DIP2C: variants seen among roughly 807,000 people sequenced by gnomAD.
The protein encoded by DIP2C is DIP2 acetate--CoA ligase C (putative).
In DIP2C, 33 loss-of-function variants were observed where a neutral mutation model predicts 192.4. The observed-to-expected ratio is 0.17, with a 90% CI of 0.13 to 0.23. The LOEUF is 0.23. DIP2C is among the 10% of genes least tolerant of loss of function. DIP2C has a pLI of 1.00. For synonymous variants in DIP2C, 979 were observed against 864.1 expected (o/e 1.13, Z -2.33); for missense variants, 1,537 against 2,110.1 (o/e 0.73, Z 5.32).
At chr10:405,331 T>C (rs990350056) in intron 9 of DIP2C, among the ~76,000 whole-genome samples, 2 of 152,246 alleles carry the variant, frequency 1.3e-5, no homozygotes, top group African/African-American at 4.8e-5. Context: ...CTAGAGTTAA[T>C]GCTGAAAATT....
chr10:550,774 A>G (rs11253144), intron 1 of DIP2C, among the ~76,000 whole-genome samples: 13,167 of 152,246 alleles, frequency 0.086, 699 homozygotes, highest in East Asian at 0.18. Context: ...CCAGAGTTGC[A>G]ATAAACAAGC....
chr10:511,401 A>C (rs1846003044), intron 1 of DIP2C, among the ~76,000 whole-genome samples: 1 of 152,250 alleles, frequency 6.6e-6, no homozygotes, highest in South Asian at 2.1e-4. Flanking sequence ...GTTACCAGGC[A>C]ACCTTAATAT....
At chr10:580,485 C>T (rs977403581) in intron 1 of DIP2C, among the ~76,000 whole-genome samples, 5 of 152,070 alleles carry the variant, frequency 3.3e-5, no homozygotes, top group Admixed American at 6.6e-5. Flanking sequence ...GATACATGTC[C>T]AAATAGTGTG....
intron 32 of DIP2C, among the ~76,000 whole-genome samples, chr10:300,561 C>A (rs1955980046): frequency 6.6e-6 from 1 of 152,062 alleles, no homozygotes; most frequent in African/African-American, 2.4e-5. Context: ...CAGGAGCAGC[C>A]CTGCGTGTGT....
chr10:577,881 G>A (rs943156742), intron 1 of DIP2C, among the ~76,000 whole-genome samples: 8 of 151,802 alleles, frequency 5.3e-5, no homozygotes, highest in Non-Finnish European at 1.0e-4. Flanking sequence ...GGAAAGTTGG[G>A]AGCAATTTCT....
At chr10:500,638 C>T (rs1171050541) in intron 1 of DIP2C, among the ~76,000 whole-genome samples, 1 of 152,158 alleles carries the variant, frequency 6.6e-6, no homozygotes, top group African/African-American at 2.4e-5. Flanking sequence ...CACAATATCA[C>T]CAAATGTTCG....
intron 32 of DIP2C, among the ~76,000 whole-genome samples, chr10:304,495 G>A (rs1393033399): frequency 1.3e-5 from 2 of 152,162 alleles, no homozygotes; most frequent in Non-Finnish European, 2.9e-5. Context: ...ACCAGCTGGA[G>A]AACTCTGGCC....
At chr10:542,857 T>G (rs1250412544) in intron 1 of DIP2C, among the ~76,000 whole-genome samples, 1 of 151,670 alleles carries the variant, frequency 6.6e-6, no homozygotes, top group Non-Finnish European at 1.5e-5. Flanking sequence ...ATACCACAGA[T>G]CATCAGATCC....
Position 636,515 on chromosome 10 carries a change from C to T in DIP2C, c.85+52979G>A, listed in dbSNP as rs928135609. ...CCACCTCGCCGAGTCCTCACGCACG[C>T]GTTCCCTAAGAATAAAGGACCCTCT... On this transcript the variant is annotated intron_variant, in intron 1 of 36. Coordinates refer to ENST00000280886, the MANE Select transcript of DIP2C (RefSeq NM_014974.3). This position sits in a 1 kb window ranked among gnomAD's most constrained non-coding sequence, Gnocchi z 4.6. Among the ~76,000 whole-genome samples the T allele has an allele frequency of 3.3e-5, 5 of 152,282 alleles. No homozygotes were observed. The highest frequency in any genetic ancestry group is 1.9e-4 in the East Asian group (1 of 5,180).
intron 14 of DIP2C, among the ~76,000 whole-genome samples, chr10:386,301 T>A (rs935550140): frequency 6.6e-6 from 1 of 152,216 alleles, no homozygotes; most frequent in Admixed American, 6.5e-5. Flanking sequence ...CGTCGTTCCA[T>A]TCACAGACAG....
chr10:288,036 G>C (rs150679369), intron 33 of DIP2C, among the ~76,000 whole-genome samples: 206 of 152,300 alleles, frequency 1.4e-3, no homozygotes, highest in African/African-American at 4.5e-3. Context: ...CTGGAATGTG[G>C]AAATGATGGC....
At chr10:301,445 G>A (rs1404420138) in intron 32 of DIP2C, among the ~76,000 whole-genome samples, 1 of 152,138 alleles carries the variant, frequency 6.6e-6, no homozygotes, top group African/African-American at 2.4e-5. Flanking sequence ...GCTGCAGCGG[G>A]TCACAGTGGG....
intron 29 of DIP2C, among the ~76,000 whole-genome samples, chr10:336,056 C>G (rs576633614): frequency 2.0e-5 from 3 of 152,216 alleles, no homozygotes; most frequent in South Asian, 4.2e-4. Context: ...CACCACTACA[C>G]CCGGCTAACT....
chr10:601,694 G>A (rs998106872), intron 1 of DIP2C, among the ~76,000 whole-genome samples: 6 of 152,196 alleles, frequency 3.9e-5, no homozygotes, highest in Admixed American at 6.5e-5. Flanking sequence ...GGTGGGAGGC[G>A]CCCACTGCCC....
chr10:379,332 G>A (rs1001143704), intron 17 of DIP2C, among the ~76,000 whole-genome samples: 12 of 151,954 alleles, frequency 7.9e-5, no homozygotes, highest in African/African-American at 2.9e-4. Flanking sequence ...TTATCAAGCG[G>A]GATACTGGAG....
chr10:653,964 A>C (rs1411322170), intron 1 of DIP2C, among the ~76,000 whole-genome samples: 1 of 152,188 alleles, frequency 6.6e-6, no homozygotes, highest in Admixed American at 6.5e-5. Context: ...ATCTCTTCCA[A>C]CTGGGACACA....
At chr10:624,583 C>T (rs904613927) in intron 1 of DIP2C, among the ~76,000 whole-genome samples, 5 of 152,194 alleles carry the variant, frequency 3.3e-5, no homozygotes, top group Admixed American at 6.5e-5. Flanking sequence ...CACGGGGGCC[C>T]GGGCAGCCCC....
intron 24 of DIP2C, chr10:356,175 T>C (rs7091313): frequency 1.4e-4 from 85 of 587,556 alleles, no homozygotes; most frequent in African/African-American, 1.4e-3. Context: ...TCATTACTCA[T>C]TTTGGGGGAG....
intron 3 of DIP2C, among the ~76,000 whole-genome samples, chr10:450,683 C>CA (rs1383975660): frequency 6.6e-6 from 1 of 152,166 alleles, no homozygotes; most frequent in Non-Finnish European, 1.5e-5. Flanking sequence ...CCAAGACCCC[C>CA]AGGGTGACGA....
Sources: gnomAD v4.1 joint callset for allele counts (sites outside exome capture counted in the v4.1 genomes callset) on GRCh38, gnomAD v4.1.1 for gene constraint, Gnocchi (gnomAD v3.1) non-coding constraint, MANE v1.5 for transcripts, NCBI Gene and HGNC (gene_info 2026-07-23, HGNC 2026-07-21) for gene names.